Variants in KIAA1217 observed in about 807,000 individuals in gnomAD.
The protein encoded by KIAA1217 is sickle tail protein homolog.
KIAA1217 carries 88 observed loss-of-function variants against 163.9 expected under a neutral mutation model. The observed-to-expected ratio is 0.54, with a 90% CI of 0.45 to 0.64. The LOEUF (loss-of-function observed/expected upper bound fraction) is 0.64. Ranked by LOEUF, KIAA1217 falls within the 30% of genes least tolerant of loss-of-function variation. The pLI is 0.00. For missense variants in KIAA1217, 2,372 were observed against 2,475.0 expected, an observed-to-expected ratio of 0.96 and a Z score of 0.88; for synonymous variants, 903 against 923.1, an observed-to-expected ratio of 0.98 and a Z score of 0.39.
At chr10:24,009,182 G>T (rs955368274) in intron 2 of KIAA1217, among the ~76,000 whole-genome samples, 2 of 152,154 alleles carry the variant, frequency 1.3e-5, no homozygotes, top group African/African-American at 4.8e-5. Flanking sequence ...TTTTAAAGGA[G>T]GGTTAAAACT....
intron 1 of KIAA1217, among the ~76,000 whole-genome samples, chr10:23,729,477 A>G (rs576164238): frequency 3.3e-4 from 50 of 152,104 alleles, no homozygotes; most frequent in Non-Finnish European, 5.3e-4. Flanking sequence ...TCAGAGTTCT[A>G]TATTTTGACT....
At chr10:23,833,070 C>T (rs1388261221) in intron 1 of KIAA1217, among the ~76,000 whole-genome samples, 1 of 152,062 alleles carries the variant, frequency 6.6e-6, no homozygotes, top group Admixed American at 6.6e-5. Context: ...CAAACCATAT[C>T]AATACTTAAA....
chr10:23,857,794 G>A (rs116613749), intron 1 of KIAA1217, among the ~76,000 whole-genome samples: 3,522 of 151,956 alleles, frequency 0.023, 143 homozygotes, highest in African/African-American at 0.08. Context: ...GAAGGAGATA[G>A]CTATTTAGAT....
At chr10:23,729,139 T>A (rs1255489113) in intron 1 of KIAA1217, among the ~76,000 whole-genome samples, 1 of 152,234 alleles carries the variant, frequency 6.6e-6, no homozygotes, top group Non-Finnish European at 1.5e-5. Flanking sequence ...TCATTTCTTT[T>A]TAGTGGTGAA....
intron 1 of KIAA1217, among the ~76,000 whole-genome samples, chr10:23,744,275 C>T (rs185383147): frequency 1.6e-3 from 236 of 152,256 alleles, no homozygotes; most frequent in Admixed American, 3.1e-3. Flanking sequence ...GGGTACTTTC[C>T]CGCTGCTTTT....
Position 24,299,929 on chromosome 10 carries a change from T to A in KIAA1217, c.354+80020T>A, listed in dbSNP as rs572414739. ...CCTTTAGACCCCCAGAAGCTGTGCA[T>A]GCTCCATGTCCAGCAATAACTTTTC... On this transcript the variant is annotated intron_variant, in intron 2 of 20. Transcript: ENST00000376454. Among the ~76,000 whole-genome samples the A allele has an allele frequency of 1.2e-3, 190 of 152,262 alleles. 1 individual carries two copies. The highest frequency in any genetic ancestry group is 3.9e-3 in the African/African-American group (161 of 41,546).
chr10:23,967,860 G>A (rs1405091979), intron 1 of KIAA1217, among the ~76,000 whole-genome samples: 1 of 151,598 alleles, frequency 6.6e-6, no homozygotes, highest in Admixed American at 6.6e-5. Flanking sequence ...CATTAGGTAA[G>A]TTCTAGTGTC....
At chr10:24,230,436 A>G (rs1476694096) in intron 2 of KIAA1217, among the ~76,000 whole-genome samples, 1 of 149,224 alleles carries the variant, frequency 6.7e-6, no homozygotes, top group Non-Finnish European at 1.5e-5. Flanking sequence ...AAGATTAGGG[A>G]TGCCGAGCCT....
intron 1 of KIAA1217, among the ~76,000 whole-genome samples, chr10:23,961,035 G>A (rs1844797298): frequency 2.6e-5 from 4 of 152,088 alleles, no homozygotes; most frequent in African/African-American, 9.7e-5. Flanking sequence ...GAGAATTTTA[G>A]AATTTGTATT....
At chr10:23,781,340 T>C (rs1174442036) in intron 1 of KIAA1217, among the ~76,000 whole-genome samples, 3 of 152,220 alleles carry the variant, frequency 2.0e-5, no homozygotes, top group African/African-American at 7.2e-5. Flanking sequence ...ATTGTGGTTT[T>C]GATTTGCATT....
chr10:24,543,774 T>C lies in KIAA1217; in HGVS notation c.4504T>C (p.Ser1502Pro), dbSNP rs779189365. Reference protein sequence around the residue: ...VVQNNNTSQMSHKKVAPGNLR... With the variant: ...VVQNNNTSQMPHKKVAPGNLR... ...CCAGAATAATAACACTTCCCAGATG[T>C]CTCATAAGAAGGTGGCCCCAGGCAA... The change falls in exon 19 of 21, where the codon TCT becomes CCT. Residue 1502 changes from serine (S) to proline (P), a missense_variant. By Grantham distance (74) the Ser-to-Pro change is moderately conservative. Around this residue, in one of 3 missense-constraint regions of KIAA1217, gnomAD observed 690 missense variants for 677.5 expected, o/e 1.02. Coordinates refer to ENST00000376454, the MANE Select transcript of KIAA1217 (RefSeq NM_019590.5). The C allele has an allele frequency of 6.2e-7, 1 of 1,613,238 alleles. No individual in the cohort carries two copies. Among genetic ancestry groups the C allele is most frequent in the African/African-American group, 1.3e-5 (1 of 74,798 alleles).
chr10:24,328,192 C>T (rs1477664270), intron 2 of KIAA1217, among the ~76,000 whole-genome samples: 1 of 152,182 alleles, frequency 6.6e-6, no homozygotes, highest in African/African-American at 2.4e-5. Context: ...GATGGGAGAT[C>T]AGTCTCAAAT....
At chr10:23,895,459 G>T (rs1270970707) in intron 1 of KIAA1217, among the ~76,000 whole-genome samples, 1 of 152,130 alleles carries the variant, frequency 6.6e-6, no homozygotes, top group Non-Finnish European at 1.5e-5. Context: ...TCTCACACCA[G>T]TTAGAATGGC....
chr10:23,717,473 C>A (rs1169036331), intron 1 of KIAA1217, among the ~76,000 whole-genome samples: 2 of 152,214 alleles, frequency 1.3e-5, no homozygotes, highest in Non-Finnish European at 2.9e-5. Context: ...TTTGGCCATA[C>A]TCTCCAGAAT....
chr10:24,348,391 T>G (rs188585409), intron 2 of KIAA1217, among the ~76,000 whole-genome samples: 38 of 152,176 alleles, frequency 2.5e-4, no homozygotes, highest in Non-Finnish European at 5.1e-4. Context: ...GTAAGTATAC[T>G]TCTAAAATAG....
chr10:24,084,910 CT>C (rs1197313508), intron 2 of KIAA1217, among the ~76,000 whole-genome samples: 7,485 of 123,698 alleles, frequency 0.061, 313 homozygotes, highest in African/African-American at 0.21. Context: ...GCAGAGTTTA[CT>C]TTTTTTTTTT....
chr10:24,235,405 C>G (rs147212803), intron 2 of KIAA1217, among the ~76,000 whole-genome samples: 84 of 152,332 alleles, frequency 5.5e-4, no homozygotes, highest in African/African-American at 2.0e-3. Context: ...AGAATTACCA[C>G]AGTTGGGGTC....
chr10:24,050,147 G>A (rs1386725848), intron 2 of KIAA1217, among the ~76,000 whole-genome samples: 1 of 152,148 alleles, frequency 6.6e-6, no homozygotes, highest in Non-Finnish European at 1.5e-5. Context: ...ACTTTTTGAT[G>A]GGGTTGTTTG....
intron 1 of KIAA1217, among the ~76,000 whole-genome samples, chr10:23,791,031 G>A (rs760015985): frequency 1.7e-4 from 26 of 152,044 alleles, no homozygotes; most frequent in Non-Finnish European, 3.2e-4. Flanking sequence ...AACCATACCA[G>A]GCCAAATAGG....
Sources: allele counts gnomAD v4.1 joint callset (sites outside exome capture counted in the v4.1 genomes callset), GRCh38; gene constraint gnomAD v4.1.1; regional missense constraint gnomAD v4.1.1; transcripts MANE v1.5; gene names NCBI Gene and HGNC (gene_info 2026-07-23, HGNC 2026-07-21).